Variants in RSRC1 observed in about 807,000 individuals in gnomAD.
RSRC1 encodes arginine and serine rich coiled-coil 1.
In RSRC1, 39 loss-of-function variants were observed where a neutral mutation model predicts 49.1. The ratio of observed to expected loss-of-function variants is 0.79; its 90% confidence interval spans 0.61 to 1.04. The LOEUF (loss-of-function observed/expected upper bound fraction) is 1.04, where lower values mean the gene tolerates loss of function less well. RSRC1 is among the 50% of genes least tolerant of loss of function. The probability of loss-of-function intolerance (pLI) is 0.00; values close to 1 mark genes in which losing one functional copy is unlikely to be tolerated. For missense variants in RSRC1, 388 were observed against 402.4 expected, an observed-to-expected ratio of 0.96 and a Z score of 0.31; for synonymous variants, 143 against 130.8, an observed-to-expected ratio of 1.09 and a Z score of -0.63.
chr3:158,487,719 G>A (rs1738869404), intron 7 of RSRC1, among the ~76,000 whole-genome samples: 2 of 151,980 alleles, frequency 1.3e-5, no homozygotes, highest in South Asian at 4.2e-4. Flanking sequence ...GGAGGCTGAG[G>A]TGGGCGGATC....
chr3:158,434,983 T>C (rs1735970928), intron 6 of RSRC1, among the ~76,000 whole-genome samples: 1 of 151,970 alleles, frequency 6.6e-6, no homozygotes, highest in Non-Finnish European at 1.5e-5. Flanking sequence ...CTGTACAAAA[T>C]ATTTTAAGGA....
At chr3:158,188,263 C>G (rs1373655682) in intron 3 of RSRC1, among the ~76,000 whole-genome samples, 1 of 151,916 alleles carries the variant, frequency 6.6e-6, no homozygotes, top group Non-Finnish European at 1.5e-5. Context: ...TTTCACCTTA[C>G]ATTTATAGAT....
intron 3 of RSRC1, among the ~76,000 whole-genome samples, chr3:158,185,410 ATAT>A (rs1490971105): frequency 3.3e-5 from 5 of 151,972 alleles, no homozygotes; most frequent in Non-Finnish European, 7.4e-5. Flanking sequence ...TTTACAAAAA[ATAT>A]TATTGCTCTT....
At chr3:158,423,194 G>T (rs1256707186) in intron 6 of RSRC1, among the ~76,000 whole-genome samples, 1 of 152,072 alleles carries the variant, frequency 6.6e-6, no homozygotes, top group Non-Finnish European at 1.5e-5. Flanking sequence ...TTCTTCGAGG[G>T]TTTTTATGGT....
At chr3:158,242,810 T>C (rs148070173) in intron 4 of RSRC1, among the ~76,000 whole-genome samples, 1,748 of 152,326 alleles carry the variant, frequency 0.011, 49 homozygotes, top group African/African-American at 0.038. Context: ...TAATCTGTGA[T>C]GTTGAGCTTT....
At chr3:158,476,244 A>G (rs1241597898) in intron 7 of RSRC1, among the ~76,000 whole-genome samples, 1 of 152,202 alleles carries the variant, frequency 6.6e-6, no homozygotes, top group Non-Finnish European at 1.5e-5. Flanking sequence ...TAAGGAAAGT[A>G]GTAGTCTTCG....
intron 6 of RSRC1, among the ~76,000 whole-genome samples, chr3:158,388,387 C>T (rs1733076004): frequency 1.3e-5 from 2 of 151,914 alleles, no homozygotes; most frequent in South Asian, 4.2e-4. Flanking sequence ...CAAGATATCA[C>T]CCTTTACATT....
intron 3 of RSRC1, among the ~76,000 whole-genome samples, chr3:158,175,792 T>C (rs2108244308): frequency 6.6e-6 from 1 of 152,338 alleles, no homozygotes; most frequent in Non-Finnish European, 1.5e-5. Context: ...CCATATTTTT[T>C]TGGAGGCTTT....
At chr3:158,222,470 A>G (rs950064790) in intron 4 of RSRC1, among the ~76,000 whole-genome samples, 1 of 151,566 alleles carries the variant, frequency 6.6e-6, no homozygotes, top group Non-Finnish European at 1.5e-5. Context: ...TCATTCCCCC[A>G]GTATTTACAT....
intron 4 of RSRC1, among the ~76,000 whole-genome samples, chr3:158,256,754 T>A (rs1055087160): frequency 2.0e-5 from 3 of 152,228 alleles, no homozygotes; most frequent in Non-Finnish European, 4.4e-5. Context: ...CAGAGCCTGT[T>A]ACTTGTCTAT....
intron 5 of RSRC1, among the ~76,000 whole-genome samples, chr3:158,332,213 T>C (rs1480009246): frequency 6.6e-6 from 1 of 152,176 alleles, no homozygotes; most frequent in East Asian, 1.9e-4. Flanking sequence ...TGCCAATACT[T>C]TTTAATCATA....
rs1559941235 is a variant in RSRC1 at position 158,202,570 on chromosome 3, A to ATATATATATATATATATATATG, written c.321-491_321-490insATATATATATGTATATATATAT. 1.4e-5 allele frequency among the ~76,000 whole-genome samples: 2 copies of ATATATATATATATATATATATG among 139,200 alleles called. 1 individual carries two copies. The highest frequency in any genetic ancestry group is 5.7e-5 in the African/African-American group (2 of 35,308). 91.3% of individuals were successfully genotyped at this position (139,200 alleles called of 152,430 possible). A position where few individuals can be genotyped will look rare whatever the true frequency, so the allele number is the denominator to read the frequency against. On this transcript the variant is annotated intron_variant, in intron 3 of 9. Transcript: ENST00000611884. ...GTTGTCAGTCTGGTAGATTATATAT[A>ATATATATATATATATATATATG]TATATATATATGTTTTATCAATATT... is the stretch of plus-strand genomic sequence containing the variant.
intron 6 of RSRC1, among the ~76,000 whole-genome samples, chr3:158,359,842 A>C (rs763207574): frequency 3.9e-5 from 6 of 152,194 alleles, no homozygotes; most frequent in Non-Finnish European, 5.9e-5. Context: ...TAAGGTACAC[A>C]GACAAGTGGA....
intron 4 of RSRC1, among the ~76,000 whole-genome samples, chr3:158,254,636 G>A (rs1196467956): frequency 6.6e-6 from 1 of 152,058 alleles, no homozygotes; most frequent in Non-Finnish European, 1.5e-5. Context: ...GTTTCACCAT[G>A]TTACCCAGGG....
intron 3 of RSRC1, among the ~76,000 whole-genome samples, chr3:158,161,509 C>T (rs1475180090): frequency 6.6e-6 from 1 of 152,150 alleles, no homozygotes; most frequent in Non-Finnish European, 1.5e-5. Flanking sequence ...CGCCTGTAAT[C>T]CCAGCACTTT....
chr3:158,243,701 T>A (rs1459017232), intron 4 of RSRC1, among the ~76,000 whole-genome samples: 2 of 152,180 alleles, frequency 1.3e-5, no homozygotes, highest in East Asian at 3.8e-4. Flanking sequence ...TTTGTTTGTG[T>A]CATGTCTGAT....
At chr3:158,162,628 T>C (rs1718298460) in intron 3 of RSRC1, among the ~76,000 whole-genome samples, 1 of 152,208 alleles carries the variant, frequency 6.6e-6, no homozygotes, top group African/African-American at 2.4e-5. Flanking sequence ...AACCATTGCT[T>C]CTAGCTCATT....
intron 3 of RSRC1, among the ~76,000 whole-genome samples, chr3:158,177,085 C>T (rs1719267163): frequency 6.6e-6 from 1 of 152,184 alleles, no homozygotes; most frequent in Non-Finnish European, 1.5e-5. Context: ...AGCAAAACCA[C>T]AATGAGATGC....
intron 5 of RSRC1, among the ~76,000 whole-genome samples, chr3:158,348,591 T>A (rs1391805389): frequency 6.6e-6 from 1 of 152,094 alleles, no homozygotes; most frequent in South Asian, 2.1e-4. Flanking sequence ...TTTATTTTTT[T>A]TTATTTTAGA....
Sources: allele counts gnomAD v4.1 joint callset (sites outside exome capture counted in the v4.1 genomes callset), GRCh38; gene constraint gnomAD v4.1.1; transcripts MANE v1.5; gene names NCBI Gene and HGNC (gene_info 2026-07-23, HGNC 2026-07-21).